SNTB2: variants seen among roughly 807,000 people sequenced by gnomAD.
SNTB2 encodes the protein syntrophin beta 2, also known as beta-2-syntrophin.
Under a neutral mutation model 46.2 loss-of-function variants are expected in SNTB2, and 34 were observed. That is an observed-to-expected ratio of 0.74 (90% CI 0.56 to 0.98). The LOEUF is 0.98. Among genes scored for constraint, SNTB2 ranks in the 50% least tolerant of loss-of-function variants. SNTB2 has a pLI of 0.00. For synonymous variants in SNTB2, 290 were observed against 312.6 expected (o/e 0.93, Z 0.76); for missense variants, 603 against 731.4 (o/e 0.82, Z 2.02).
chr16:69,258,754 G>A (rs983667672), intron 2 of SNTB2, among the ~76,000 whole-genome samples: 4 of 151,756 alleles, frequency 2.6e-5, no homozygotes, highest in Admixed American at 6.6e-5. Flanking sequence ...TGGGATTACA[G>A]GCATGTGCCA....
intron 1 of SNTB2, among the ~76,000 whole-genome samples, chr16:69,223,909 C>A (rs562839720): frequency 6.6e-6 from 1 of 152,294 alleles, no homozygotes; most frequent in East Asian, 1.9e-4. Context: ...GGATTACAGG[C>A]GTGAGCCACC....
chr16:69,251,569 A>G (rs187226168), intron 2 of SNTB2, among the ~76,000 whole-genome samples: 3,450 of 151,432 alleles, frequency 0.023, 130 homozygotes, highest in African/African-American at 0.079. Flanking sequence ...ACCTGAGGTC[A>G]GGAGTTCAAG....
chr16:69,286,123 A>T (rs960094880), intron 5 of SNTB2, among the ~76,000 whole-genome samples: 1 of 150,008 alleles, frequency 6.7e-6, no homozygotes, highest in Non-Finnish European at 1.5e-5. Flanking sequence ...CGGTTTATTT[A>T]TTTATTTTTT....
intron 4 of SNTB2, among the ~76,000 whole-genome samples, chr16:69,276,874 AT>A (rs1260687919): frequency 2.6e-5 from 4 of 152,186 alleles, no homozygotes; most frequent in African/African-American, 9.7e-5. Flanking sequence ...GGAAAAAAAA[AT>A]GCCAGTTTAA....
At position 69,270,260 on chromosome 16, in the gene SNTB2, C is replaced by A; in HGVS notation, c.1123C>A (p.His375Asn). The A allele has an allele frequency of 6.2e-7, 1 of 1,614,072 alleles. No individual in the cohort carries two copies. Residue 375 changes from histidine to asparagine, a missense_variant, in exon 4 of 7, where the codon CAC becomes AAC. By Grantham distance (68) the His-to-Asn change is moderately conservative (BLOSUM62 1). This residue lies in a region of SNTB2 where 537 missense variants were observed against 692.4 expected (regional missense o/e 0.78). Transcript: ENST00000336278. The part of the protein sequence containing the change: ...WTRDAWASPC[H>N]SYPLVATRLV... ...AAGAGATGCCTGGGCGTCACCATGC[C>A]ACAGCTACCCACTTGTTGCCACCAG...
intron 2 of SNTB2, among the ~76,000 whole-genome samples, chr16:69,259,295 G>T: frequency 7.9e-6 from 1 of 126,768 alleles, no homozygotes; most frequent in African/African-American, 3.1e-5. Context: ...CACCTAGGCT[G>T]GATCTCGGCT....
chr16:69,199,325 C>T (rs1466398288), intron 1 of SNTB2, among the ~76,000 whole-genome samples: 5 of 152,118 alleles, frequency 3.3e-5, no homozygotes. Context: ...ATGTGAAGTG[C>T]CAGATAAAAT....
chr16:69,193,660 A>G (rs1287841730), intron 1 of SNTB2, among the ~76,000 whole-genome samples: 1 of 152,184 alleles, frequency 6.6e-6, no homozygotes, highest in African/African-American at 2.4e-5. Context: ...GAATTGATCA[A>G]CTAACAAAAA....
intron 1 of SNTB2, among the ~76,000 whole-genome samples, chr16:69,190,609 A>T (rs886865703): frequency 6.6e-6 from 1 of 152,198 alleles, no homozygotes; most frequent in Non-Finnish European, 1.5e-5. Context: ...CATCATGGGA[A>T]TCAGAGGTTG....
chr16:69,214,649 C>T (rs984321305), intron 1 of SNTB2, among the ~76,000 whole-genome samples: 8 of 151,608 alleles, frequency 5.3e-5, no homozygotes, highest in South Asian at 2.1e-4. Context: ...GCCTCAGCCT[C>T]CTGAGTAGCT....
At chr16:69,232,625 C>G (rs540086875) in intron 1 of SNTB2, among the ~76,000 whole-genome samples, 3 of 147,996 alleles carry the variant, frequency 2.0e-5, no homozygotes, top group African/African-American at 7.5e-5. Context: ...GATTCTCTTG[C>G]CTCAGCCTCC....
In SNTB2 at chr16:69,303,261, T is replaced by C. The variant is rs533959223; in HGVS notation, c.*2337T>C. 1 of 152,328 alleles carries C rather than the reference T, an allele frequency of 6.6e-6. No homozygotes were observed. The highest frequency in any genetic ancestry group is 6.5e-5 in the Admixed American group (1 of 15,302). The allele number at this position is 152,328 out of a possible 1,614,324, so 9.4% of individuals were successfully genotyped here. The stretch of plus-strand genomic sequence containing the variant: ...AATTTCAATATGTAATACCCTCAGG[T>C]AGGCAATCTTGAACCCTCTATGCAG... On this transcript the variant is annotated 3_prime_UTR_variant, in exon 7 of 7. Transcript: ENST00000336278.
At chr16:69,271,251 A>G (rs1213266044) in intron 4 of SNTB2, among the ~76,000 whole-genome samples, 1 of 152,178 alleles carries the variant, frequency 6.6e-6, no homozygotes, top group African/African-American at 2.4e-5. Context: ...CTCCTAGATC[A>G]CAGAATGAAG....
intron 5 of SNTB2, among the ~76,000 whole-genome samples, chr16:69,290,583 T>C (rs1965150679): frequency 6.8e-6 from 1 of 147,962 alleles, no homozygotes; most frequent in East Asian, 1.9e-4. Context: ...TCTTGAGTCC[T>C]TTTTACTCAT....
intron 2 of SNTB2, among the ~76,000 whole-genome samples, chr16:69,247,414 T>A (rs1964681406): frequency 6.6e-6 from 1 of 152,154 alleles, no homozygotes; most frequent in Non-Finnish European, 1.5e-5. Context: ...AAAGACATAG[T>A]TAAGGACAGA....
At chr16:69,271,502 GT>G (rs1467985450) in intron 4 of SNTB2, among the ~76,000 whole-genome samples, 1 of 152,142 alleles carries the variant, frequency 6.6e-6, no homozygotes, top group African/African-American at 2.4e-5. Context: ...TGCTTTGCGT[GT>G]AGTAGGCCAT....
At chr16:69,206,022 G>T (rs952491393) in intron 1 of SNTB2, among the ~76,000 whole-genome samples, 5 of 152,080 alleles carry the variant, frequency 3.3e-5, no homozygotes, top group African/African-American at 1.2e-4. Context: ...GCAAGGCTGG[G>T]CCTTGCTCTG....
intron 1 of SNTB2, among the ~76,000 whole-genome samples, chr16:69,231,455 G>T (rs1380933707): frequency 1.3e-5 from 2 of 152,130 alleles, no homozygotes; most frequent in Non-Finnish European, 2.9e-5. Context: ...TGGGCATGGT[G>T]GCGCATGCCT....
intron 1 of SNTB2, among the ~76,000 whole-genome samples, chr16:69,188,674 C>T (rs1333468115): frequency 6.6e-6 from 1 of 152,138 alleles, no homozygotes; most frequent in Non-Finnish European, 1.5e-5. Flanking sequence ...TTTGAGCGGT[C>T]AGCTTTCTTT....
Sources: allele counts gnomAD v4.1 joint callset (sites outside exome capture counted in the v4.1 genomes callset), GRCh38; gene constraint gnomAD v4.1.1; regional missense constraint gnomAD v4.1.1; transcripts MANE v1.5; gene names NCBI Gene and HGNC (gene_info 2026-07-23, HGNC 2026-07-21).